The following MACF1 variants were observed in gnomAD, a reference collection of about 807,000 sequenced individuals.
The protein encoded by MACF1 is microtubule-actin cross-linking factor 1.
MACF1 carries 193 observed loss-of-function variants against 854.8 expected under a neutral mutation model. That is an observed-to-expected ratio of 0.23 (90% confidence interval 0.20 to 0.25). The LOEUF is 0.25. MACF1 is among the 10% of genes least tolerant of loss of function. The pLI is 1.00. For synonymous variants in MACF1, 3,185 were observed against 3,226.7 expected (o/e 0.99, Z 0.44); for missense variants, 7,722 against 8,929.1 (o/e 0.86, Z 5.45).
chr1:39,447,995 T>G, intron 82 of MACF1, 38 bp from the exon 83 acceptor site: 1 of 1,613,390 alleles, frequency 6.2e-7, no homozygotes, highest in South Asian at 1.1e-5. Flanking sequence ...ATAGTGTGTA[T>G]ATTCATTCCT....
chr1:39,281,227 T>C (rs1013402381), intron 6 of MACF1, among the ~76,000 whole-genome samples: 1 of 152,182 alleles, frequency 6.6e-6, no homozygotes, highest in African/African-American at 2.4e-5. Context: ...TTGGAAAATA[T>C]AAAAATCCCC....
At chr1:39,190,525 C>T (rs753804200) in intron 2 of MACF1, among the ~76,000 whole-genome samples, 1 of 148,106 alleles carries the variant, frequency 6.8e-6, no homozygotes, top group Non-Finnish European at 1.5e-5. Flanking sequence ...TTTTTCATAA[C>T]AACAGGGTTT....
At chr1:39,303,214 G>C (rs1571301290) in intron 23 of MACF1, 136 bp downstream of exon 23, 6 of 970,134 alleles carry the variant, frequency 6.2e-6, no homozygotes, top group Non-Finnish European at 8.9e-6. Context: ...TCTCATTGGA[G>C]ATATCAAGTC....
intron 94 of MACF1, 74 bp from the exon 95 acceptor site, chr1:39,465,021 A>C: frequency 8.0e-7 from 1 of 1,253,468 alleles, no homozygotes; most frequent in Non-Finnish European, 1.2e-6. Flanking sequence ...TTCATTCTTT[A>C]GTGTTAATTT....
At chr1:39,352,983 C>A (rs1381431766) in intron 43 of MACF1, 24 bp from the exon 44 acceptor site, 1 of 1,579,944 alleles carries the variant, frequency 6.3e-7, no homozygotes, top group South Asian at 1.1e-5. Context: ...AGCCTTCTCA[C>A]TAGACTACCT....
chr1:39,115,966 G>A (rs1205020553), intron 2 of MACF1, among the ~76,000 whole-genome samples: 3 of 152,180 alleles, frequency 2.0e-5, no homozygotes, highest in Admixed American at 2.0e-4. Context: ...GTGGAGTTGT[G>A]GGAAGTGAAT....
chr1:39,411,071 G>A, intron 58 of MACF1: 1 of 1,613,666 alleles, frequency 6.2e-7, no homozygotes, highest in Non-Finnish European at 8.5e-7. Context: ...TTAGCTAAGG[G>A]AGGCTTCAGT....
chr1:39,093,060 A>G (rs1641847389), intron 2 of MACF1, among the ~76,000 whole-genome samples: 1 of 152,156 alleles, frequency 6.6e-6, no homozygotes. Context: ...CTGGGATTAC[A>G]GGTGTGAGCC....
chr1:39,318,724 C>A, intron 30 of MACF1, 109 bp downstream of exon 30: 1 of 1,191,514 alleles, frequency 8.4e-7, no homozygotes, highest in Non-Finnish European at 1.1e-6. Context: ...GGAAGATATC[C>A]AAATTCCCTT....
At chr1:39,394,843 G>C (rs1642209343) in intron 58 of MACF1, among the ~76,000 whole-genome samples, 1 of 152,148 alleles carries the variant, frequency 6.6e-6, no homozygotes, top group Admixed American at 6.5e-5. Context: ...CACTTGGTAT[G>C]ACCTGTCTGT....
At chr1:39,401,864 G>A (rs1230989275) in intron 58 of MACF1, among the ~76,000 whole-genome samples, 13 of 152,190 alleles carry the variant, frequency 8.5e-5, no homozygotes, top group Non-Finnish European at 1.6e-4. Context: ...TGAAAGAGAT[G>A]GTTTTTAGAA....
intron 2 of MACF1, among the ~76,000 whole-genome samples, chr1:39,167,335 G>A (rs1643892073): frequency 1.3e-5 from 2 of 151,844 alleles, no homozygotes; most frequent in South Asian, 2.1e-4. Context: ...AGCACTTTGG[G>A]AGGCTGAGGC....
intron 2 of MACF1, among the ~76,000 whole-genome samples, chr1:39,170,071 G>A (rs988672808): frequency 2.0e-4 from 30 of 150,980 alleles, no homozygotes; most frequent in Admixed American, 1.5e-3. Context: ...GTGAGCCACC[G>A]TGCCCAGCCT....
intron 51 of MACF1, among the ~76,000 whole-genome samples, chr1:39,371,566 C>T (rs1019627956): frequency 6.6e-6 from 1 of 152,044 alleles, no homozygotes; most frequent in Non-Finnish European, 1.5e-5. Flanking sequence ...GGAGACTTAA[C>T]GTGATGTGGT....
At position 39,427,967 on chromosome 1, in the gene MACF1, G is replaced by A; in HGVS notation, c.16483G>A (p.Glu5495Lys). Residue 5495 changes from glutamate (E) to lysine (K), a missense_variant, in exon 63 of 101, where the codon GAA becomes AAA. Coordinates refer to ENST00000564288, the MANE Select transcript of MACF1 (RefSeq NM_001394062.1). ...TTTCCATCTGGATTTCCAGGCTCTG[G>A]AAGAAGACATAGAAAACCATGCAAC... ...QQQIIRHKAL[E>K]EDIENHATDV... The A allele has an allele frequency of 6.2e-7, 1 of 1,604,512 alleles. No individual in the cohort carries two copies. The highest frequency in any genetic ancestry group is 8.5e-7 in the Non-Finnish European group (1 of 1,173,912).
Position 39,105,665 on chromosome 1 carries a change from C to A in MACF1, c.220+21227C>A. 8.1e-7 allele frequency: 1 copy of A among 1,236,338 alleles called. No individual in the cohort carries two copies. Among genetic ancestry groups the A allele is most frequent in the Non-Finnish European group, 1.0e-6 (1 of 962,698 alleles). 76.6% of individuals were successfully genotyped at this position (1,236,338 alleles called of 1,614,324 possible). ...CGGGTCAGCAGCCGGCCAACCGCAG[C>A]CAGGAGAAGGAGTTCGTGCAGGCGT... On this transcript the variant is annotated intron_variant, in intron 2 of 93. Coordinates refer to the MACF1 transcript ENST00000361689. This position sits in a 1 kb window ranked among gnomAD's most constrained non-coding sequence, Gnocchi z 5.9.
intron 2 of MACF1, among the ~76,000 whole-genome samples, chr1:39,159,413 T>G (rs578190428): frequency 6.6e-6 from 1 of 152,302 alleles, no homozygotes; most frequent in Non-Finnish European, 1.5e-5. Flanking sequence ...TCCAGTTGCT[T>G]GTGTCTACAG....
At position 39,346,710 on chromosome 1, in the gene MACF1, G is replaced by A. The variant is rs187152491; in HGVS notation, c.10582-267G>A. Among the ~76,000 whole-genome samples the A allele has an allele frequency of 4.3e-3, 657 of 151,940 alleles. 5 individuals are homozygous for A. Among genetic ancestry groups the A allele is most frequent in the African/African-American group, 0.014 (592 of 41,454 alleles). ...AATTTTTTGTATTTTTAGTAGAGAC[G>A]GGGTTTCACCGTGTTAGCCAGGATG... On this transcript the variant is annotated intron_variant, in intron 40 of 100. Coordinates refer to ENST00000564288, the MANE Select transcript of MACF1 (RefSeq NM_001394062.1).
chr1:39,384,071 T>C (rs1205409370), intron 56 of MACF1, among the ~76,000 whole-genome samples: 1 of 152,164 alleles, frequency 6.6e-6, no homozygotes, highest in Admixed American at 6.6e-5. Context: ...ATGGTTTTGA[T>C]CTCTGTATGT....
Sources: gnomAD v4.1 joint callset for allele counts (sites outside exome capture counted in the v4.1 genomes callset) on GRCh38, gnomAD v4.1.1 for gene constraint, Gnocchi (gnomAD v3.1) non-coding constraint, MANE v1.5 for transcripts, NCBI Gene and HGNC (gene_info 2026-07-23, HGNC 2026-07-21) for gene names.